KCNMB3: variants seen among roughly 807,000 people sequenced by gnomAD.
The protein encoded by KCNMB3 is potassium calcium-activated channel subfamily M regulatory beta subunit 3.
KCNMB3 carries 18 observed loss-of-function variants against 11.9 expected under a neutral mutation model. That is an observed-to-expected ratio of 1.51 (90% CI 1.04 to 2.23). The LOEUF (loss-of-function observed/expected upper bound fraction) is 2.23, where lower values mean the gene tolerates loss of function less well. KCNMB3 is among the 30% of genes most tolerant of loss of function. The probability of loss-of-function intolerance (pLI) is 0.00; values close to 1 mark genes in which losing one functional copy is unlikely to be tolerated. For synonymous variants in KCNMB3, 78 were observed against 119.2 expected, an observed-to-expected ratio of 0.65 and a Z score of 2.25; for missense variants, 247 against 329.4, an observed-to-expected ratio of 0.75 and a Z score of 1.94.
At chr3:179,246,917 G>T (rs560077817) in intron 1 of KCNMB3, among the ~76,000 whole-genome samples, 1 of 152,192 alleles carries the variant, frequency 6.6e-6, no homozygotes, top group African/African-American at 2.4e-5. Flanking sequence ...AAATAAGCAT[G>T]TTCCTTCAAT....
At chr3:179,251,123 G>C, upstream of KCNMB3, 1 of 1,614,146 alleles carries the variant, frequency 6.2e-7, no homozygotes, top group Non-Finnish European at 8.5e-7. Flanking sequence ...CTAAAGTGAT[G>C]TGTAATCAAG....
At chr3:179,244,107 C>T (rs1307336708) in intron 2 of KCNMB3, among the ~76,000 whole-genome samples, 1 of 152,034 alleles carries the variant, frequency 6.6e-6, no homozygotes, top group African/African-American at 2.4e-5. Context: ...CATTGTGTAA[C>T]TTACTAAAAT....
rs1469787967 is a variant in KCNMB3 at position 179,242,982 on chromosome 3, T to C, written c.750A>G (p.Gly250=). The change falls in exon 3 of 3, where the codon GGA becomes GGG. Residue 250 remains glycine, a synonymous_variant. Coordinates refer to ENST00000392685, the MANE Select transcript of KCNMB3 (RefSeq NM_171830.2). ...GATGCTGTTCTATATAAGGTACTTT[T>C]CCACCTACCTCATCTCTGACTACAG... ...YSTVVRDEVG[G]KVPYIEQHQF... 26 of 1,600,396 alleles carry C rather than the reference T, an allele frequency of 1.6e-5. No individual in the cohort carries two copies. Among genetic ancestry groups the C allele is most frequent in the Non-Finnish European group, 2.1e-5 (25 of 1,172,706 alleles).
chr3:179,262,549 G>A (rs776671233), intron 1 of KCNMB3, among the ~76,000 whole-genome samples: 45 of 152,336 alleles, frequency 3.0e-4, no homozygotes, highest in Admixed American at 9.8e-4. Context: ...CCACAGCGTG[G>A]AAAGGGACCT....
chr3:179,240,086 A>G (rs1436816385), downstream of KCNMB3: 3 of 1,481,530 alleles, frequency 2.0e-6, no homozygotes, highest in East Asian at 7.4e-5. Context: ...AAAAAAAAAG[A>G]AAAATTACTT....
chr3:179,241,730 C>A (rs1304187976), downstream of KCNMB3: 1 of 152,770 alleles, frequency 6.5e-6, no homozygotes, highest in Non-Finnish European at 1.5e-5. Flanking sequence ...ATGGTTGATT[C>A]ATTAATTAAA....
intron 1 of KCNMB3, among the ~76,000 whole-genome samples, chr3:179,247,989 C>G (rs1725701952): frequency 1.3e-5 from 2 of 152,130 alleles, no homozygotes; most frequent in Admixed American, 6.6e-5. Flanking sequence ...AAAAAGCACC[C>G]CTTGCCTTCC....
chr3:179,258,870 A>T (rs1383537563), intron 1 of KCNMB3: 30 of 1,564,052 alleles, frequency 1.9e-5, no homozygotes, highest in Non-Finnish European at 3.5e-6. Flanking sequence ...TACAAGTAAC[A>T]GTCTATAACT....
chr3:179,266,787 A>G (rs7612684), exon 1 of KCNMB3: 452,748 of 1,574,994 alleles, frequency 0.29, 68,459 homozygotes, highest in African/African-American at 0.49. Context: ...TGAAGCTTAG[A>G]CATCCACGGA....
At chr3:179,260,582 G>C (rs1463372330) in intron 1 of KCNMB3, 2 of 1,520,838 alleles carry the variant, frequency 1.3e-6, no homozygotes, top group East Asian at 4.5e-5. Flanking sequence ...CGACTTGAGG[G>C]CATTTAACTC....
intron 1 of KCNMB3, chr3:179,261,314 G>A: frequency 1.6e-6 from 2 of 1,236,240 alleles, no homozygotes; most frequent in Non-Finnish European, 2.0e-6. Context: ...GGAAACGCTC[G>A]GGGACCGTGC....
intron 1 of KCNMB3, among the ~76,000 whole-genome samples, chr3:179,265,619 A>G (rs1410272684): frequency 6.6e-6 from 1 of 152,020 alleles, no homozygotes; most frequent in Non-Finnish European, 1.5e-5. Flanking sequence ...CACCATGCCC[A>G]GCTAATTTTT....
At chr3:179,239,890 G>GC (rs556721173), downstream of KCNMB3, 31 of 664,338 alleles carry the variant, frequency 4.7e-5, no homozygotes, top group Non-Finnish European at 7.1e-5. Flanking sequence ...ACAGCAAGAT[G>GC]CATGTGTTAC....
chr3:179,250,325 T>C (rs1213319268), intron 1 of KCNMB3, among the ~76,000 whole-genome samples: 2 of 152,236 alleles, frequency 1.3e-5, no homozygotes, highest in Non-Finnish European at 2.9e-5. Context: ...CTAATATGTA[T>C]TGAGCAACTA....
upstream of KCNMB3, chr3:179,251,567 T>C: frequency 7.6e-7 from 1 of 1,309,316 alleles, no homozygotes. Flanking sequence ...CTCTCCACTG[T>C]GCCTGCAAAC....
chr3:179,245,188 C>T (rs1725594261), intron 1 of KCNMB3, among the ~76,000 whole-genome samples: 1 of 152,128 alleles, frequency 6.6e-6, no homozygotes, highest in Non-Finnish European at 1.5e-5. Flanking sequence ...ATCTCATCAC[C>T]TCTCATGCTC....
chr3:179,257,983 C>G (rs1479006772), intron 1 of KCNMB3, among the ~76,000 whole-genome samples: 1 of 152,180 alleles, frequency 6.6e-6, no homozygotes, highest in Admixed American at 6.5e-5. Flanking sequence ...CTCGCAGGTT[C>G]AAGCGATTCT....
At chr3:179,251,143 A>G (rs1358683992), upstream of KCNMB3, 1 of 1,613,902 alleles carries the variant, frequency 6.2e-7, no homozygotes, top group Non-Finnish European at 8.5e-7. Flanking sequence ...GTATTTTTAA[A>G]GATATTGTAG....
At position 179,262,637 on chromosome 3, in the gene KCNMB3, C is replaced by T. The variant is rs182953434; in HGVS notation, c.62+4012G>A. ...CCCCACCCACATCCTGCTGATTGGTCCATTTTACAGAGAGCCGATTGGTCC... is the reference window on the plus strand; with the variant it reads ...CCCCACCCACATCCTGCTGATTGGTTCATTTTACAGAGAGCCGATTGGTCC... On this transcript the variant is annotated intron_variant, in intron 1 of 3. Transcript: ENST00000349697. Among the ~76,000 whole-genome samples, 297 of 152,254 alleles carry T rather than the reference C, an allele frequency of 2.0e-3. 3 individuals carry two copies. The highest frequency in any genetic ancestry group is 6.8e-3 in the African/African-American group (281 of 41,566).
Sources: allele counts gnomAD v4.1 joint callset (sites outside exome capture counted in the v4.1 genomes callset), GRCh38; gene constraint gnomAD v4.1.1; transcripts MANE v1.5; gene names NCBI Gene and HGNC (gene_info 2026-07-23, HGNC 2026-07-21).